Variants in RTN1 observed in about 807,000 individuals in gnomAD.
The protein encoded by RTN1 is reticulon 1.
Under a neutral mutation model 65.5 loss-of-function variants are expected in RTN1, and 25 were observed. The ratio of observed to expected loss-of-function variants is 0.38; its 90% confidence interval spans 0.28 to 0.53. The LOEUF (loss-of-function observed/expected upper bound fraction) is 0.53, where lower values mean the gene tolerates loss of function less well. RTN1 is among the 20% of genes least tolerant of loss of function. The pLI is 0.79. For missense variants in RTN1, 983 were observed against 1,025.4 expected, an observed-to-expected ratio of 0.96 and a Z score of 0.57; for synonymous variants, 471 against 447.6, an observed-to-expected ratio of 1.05 and a Z score of -0.66.
intron 3 of RTN1, among the ~76,000 whole-genome samples, chr14:59,720,136 T>C (rs1884616862): frequency 6.6e-6 from 1 of 152,156 alleles, no homozygotes; most frequent in Non-Finnish European, 1.5e-5. Context: ...CATCTTGGAA[T>C]TGAAGTGGCA....
intron 3 of RTN1, among the ~76,000 whole-genome samples, chr14:59,652,029 A>C (rs1036225036): frequency 6.6e-6 from 1 of 152,226 alleles, no homozygotes; most frequent in African/African-American, 2.4e-5. Flanking sequence ...ACATGAACAG[A>C]TACTTCTCAA....
rs1372091137 is a variant in RTN1, at chr14:59,870,430, G to A, written c.201C>T (p.Pro67=). 7.2e-6 allele frequency: 11 copies of A among 1,520,612 alleles called. No individual in the cohort carries two copies. The East Asian group carries it at 1.9e-4, about 26-fold the overall frequency. 94.2% of individuals were successfully genotyped at this position (1,520,612 alleles called of 1,614,324 possible). ...EAASREAGSG[P]ARQSPVAMET... ...CCATGGCAACGGGCGACTGCCGGGC[G>A]GGGCCCGAGCCGGCTTCCCGCGACG... The change falls in exon 1 of 9, where the codon CCC becomes CCT. Residue 67 remains proline (P), a synonymous_variant. Coordinates refer to ENST00000267484, the MANE Select transcript of RTN1 (RefSeq NM_021136.3). The surrounding 1 kb of genome is among the most constrained non-coding windows in gnomAD (Gnocchi z 5.1).
intron 1 of RTN1, among the ~76,000 whole-genome samples, chr14:59,749,278 C>CTATATATATCTATA (rs1566711346): frequency 1.2e-4 from 2 of 16,336 alleles, no homozygotes; most frequent in African/African-American, 8.8e-4. Context: ...ATATATATAT[C>CTATATATATCTATA]TATATATATC....
At chr14:59,677,560 A>G (rs979764507) in intron 3 of RTN1, among the ~76,000 whole-genome samples, 1 of 152,230 alleles carries the variant, frequency 6.6e-6, no homozygotes, top group Admixed American at 6.5e-5. Flanking sequence ...CAAAGGAAAC[A>G]GAACAAACAA....
intron 3 of RTN1, among the ~76,000 whole-genome samples, chr14:59,719,232 C>A (rs1884599140): frequency 6.6e-6 from 1 of 152,190 alleles, no homozygotes; most frequent in African/African-American, 2.4e-5. Context: ...CCATTCTTCC[C>A]CTTGCCTACC....
intron 3 of RTN1, among the ~76,000 whole-genome samples, chr14:59,676,368 C>A (rs1883627595): frequency 6.6e-6 from 1 of 152,094 alleles, no homozygotes; most frequent in African/African-American, 2.4e-5. Flanking sequence ...AAATAAATAA[C>A]CTTGAAAATA....
At chr14:59,809,933 T>C (rs543302746) in intron 1 of RTN1, among the ~76,000 whole-genome samples, 29 of 152,322 alleles carry the variant, frequency 1.9e-4, no homozygotes, top group African/African-American at 4.6e-4. Flanking sequence ...CTTTTAAATT[T>C]CCTCTCAAAG....
chr14:59,829,850 T>A lies in RTN1; in HGVS notation c.241+40540A>T, dbSNP rs1268038426. Among the ~76,000 whole-genome samples the A allele has an allele frequency of 6.6e-6, 1 of 152,208 alleles. No homozygotes were observed. The highest frequency in any genetic ancestry group is 1.5e-5 in the Non-Finnish European group (1 of 68,032). On this transcript the variant is annotated intron_variant, in intron 1 of 8. Transcript: ENST00000267484. This position sits in a 1 kb window ranked among gnomAD's most constrained non-coding sequence, Gnocchi z 4.3. The stretch of plus-strand genomic sequence containing the variant: ...ACCAAATCATATGGCCATACCTAAC[T>A]TCCAGGGGACAGGAATGTACCCAGA...
chr14:59,655,742 C>A (rs1883109476), intron 3 of RTN1, among the ~76,000 whole-genome samples: 1 of 152,136 alleles, frequency 6.6e-6, no homozygotes, highest in African/African-American at 2.4e-5. Context: ...TCTGTATTTT[C>A]AACAGCAGTG....
chr14:59,776,058 T>C (rs1224847862), intron 1 of RTN1, among the ~76,000 whole-genome samples: 1 of 152,194 alleles, frequency 6.6e-6, no homozygotes, highest in East Asian at 1.9e-4. Context: ...TCATTTTCTA[T>C]CACTTTTTAC....
chr14:59,727,613 G>A lies in RTN1; in HGVS notation c.1071C>T (p.Ile357=), dbSNP rs971079814. 10 of 1,612,578 alleles carry A rather than the reference G, an allele frequency of 6.2e-6. No homozygotes were observed. The East Asian group carries it at 2.0e-4, about 32-fold the overall frequency. Residue 357 remains isoleucine (I), a synonymous_variant, in exon 3 of 9, where the codon ATC becomes ATT. Transcript: ENST00000267484. This position sits in a 1 kb window ranked among gnomAD's most constrained non-coding sequence, Gnocchi z 4.2. ...ATCCCTTTGCTTCTTTGATGGCGGTGATCAGCTCATCCTCGGAGATGCTGC... is the reference window on the plus strand; with the variant it reads ...ATCCCTTTGCTTCTTTGATGGCGGTAATCAGCTCATCCTCGGAGATGCTGC... ...GKGSISEDEL[I]TAIKEAKGLS...
At chr14:59,602,943 A>T in intron 8 of RTN1, 122 bp downstream of exon 8, 1 of 665,998 alleles carries the variant, frequency 1.5e-6, no homozygotes, top group Non-Finnish European at 2.5e-6. Context: ...ATATGATTCC[A>T]GTAAGTGAAT....
intron 2 of RTN1, among the ~76,000 whole-genome samples, chr14:59,729,163 A>G (rs551411441): frequency 6.6e-6 from 1 of 152,322 alleles, no homozygotes; most frequent in South Asian, 2.1e-4. Context: ...TGCAGAGGAA[A>G]ACAGATAATG....
At chr14:59,720,721 C>CA (rs3036118) in intron 3 of RTN1, among the ~76,000 whole-genome samples, 10,287 of 133,794 alleles carry the variant, frequency 0.077, 779 homozygotes, top group African/African-American at 0.21. Flanking sequence ...GACCCTATCT[C>CA]AAAAAAAAAA....
chr14:59,794,770 A>C lies in RTN1; in HGVS notation c.242-48289T>G, dbSNP rs185737257. 2.0e-5 allele frequency among the ~76,000 whole-genome samples: 3 copies of C among 148,142 alleles called. No individual in the cohort carries two copies. The highest frequency in any genetic ancestry group is 2.0e-4 in the Admixed American group (3 of 14,986). The stretch of plus-strand genomic sequence containing the variant: ...TTTTCTTTTCAGGGAACAATTCAGA[A>C]GTAGCATACATCACTTGTAGTCATA... On this transcript the variant is annotated intron_variant, in intron 1 of 8. Transcript: ENST00000267484. The surrounding 1 kb of genome is among the most constrained non-coding windows in gnomAD (Gnocchi z 5.1).
chr14:59,820,355 A>ATTTTT (rs1886918835), intron 1 of RTN1, among the ~76,000 whole-genome samples: 1 of 73,810 alleles, frequency 1.4e-5, no homozygotes, highest in African/African-American at 6.2e-5. Context: ...GCTTATTGAT[A>ATTTTT]GTTTTTTTTT....
chr14:59,768,753 A>G (rs551544926), intron 1 of RTN1, among the ~76,000 whole-genome samples: 81 of 152,346 alleles, frequency 5.3e-4, no homozygotes, highest in African/African-American at 1.9e-3. Context: ...GCTAATACTA[A>G]GGATGACAAT....
intron 3 of RTN1, among the ~76,000 whole-genome samples, chr14:59,665,838 CAAAG>C (rs1483126816): frequency 6.6e-6 from 1 of 152,094 alleles, no homozygotes; most frequent in African/African-American, 2.4e-5. Context: ...TCAAAAGAGA[CAAAG>C]AAGGCCATTA....
intron 1 of RTN1, among the ~76,000 whole-genome samples, chr14:59,810,803 T>C (rs1886715315): frequency 6.6e-6 from 1 of 152,140 alleles, no homozygotes; most frequent in South Asian, 2.1e-4. Context: ...CAAGACAATA[T>C]GTTGCGTGTA....
Sources: gnomAD v4.1 joint callset for allele counts (sites outside exome capture counted in the v4.1 genomes callset) on GRCh38, gnomAD v4.1.1 for gene constraint, Gnocchi (gnomAD v3.1) non-coding constraint, MANE v1.5 for transcripts, NCBI Gene and HGNC (gene_info 2026-07-23, HGNC 2026-07-21) for gene names.